Variants in FREM3 observed in about 807,000 individuals in gnomAD.
FREM3 encodes FRAS1-related extracellular matrix protein 3.
Under a neutral mutation model 129.1 loss-of-function variants are expected in FREM3, and 105 were observed. That is an observed-to-expected ratio of 0.81 (90% CI 0.69 to 0.96). The LOEUF (loss-of-function observed/expected upper bound fraction) is 0.96. Ranked by LOEUF, FREM3 falls within the 40% of genes least tolerant of loss-of-function variation. The probability of loss-of-function intolerance (pLI) is 0.00; values close to 1 mark genes in which losing one functional copy is unlikely to be tolerated. For synonymous variants in FREM3, 1,014 were observed against 1,044.9 expected (o/e 0.97, Z 0.57); for missense variants, 2,593 against 2,666.3 (o/e 0.97, Z 0.61).
intron 2 of FREM3, among the ~76,000 whole-genome samples, chr4:143,674,939 A>G (rs971479201): frequency 2.0e-5 from 3 of 152,192 alleles, no homozygotes; most frequent in African/African-American, 7.2e-5. Context: ...ACACAATAAT[A>G]ATGGGAGACT....
rs57527872 is a variant in FREM3, at chr4:143,593,621, T to A, written c.6029-7628A>T. On this transcript the variant is annotated intron_variant, in intron 6 of 7. Transcript: ENST00000329798. ...GTTTTGTCTCAGAGGAGTACCCGGCTGTGTGAGGTGTCAGTCCACCCCTAC... is the reference window on the plus strand; with the variant it reads ...GTTTTGTCTCAGAGGAGTACCCGGCAGTGTGAGGTGTCAGTCCACCCCTAC... Among the ~76,000 whole-genome samples the A allele has an allele frequency of 2.0e-5, 3 of 148,486 alleles. No individual in the cohort carries two copies. In the South Asian group the frequency reaches 6.4e-4, roughly 32 times the overall value.
At chr4:143,618,897 A>C (rs1301442037) in intron 5 of FREM3, among the ~76,000 whole-genome samples, 2 of 152,116 alleles carry the variant, frequency 1.3e-5, no homozygotes, top group African/African-American at 4.8e-5. Context: ...CCCTGTCTCA[A>C]AATCCTCCCC....
chr4:143,673,665 G>A (rs1296427359), intron 2 of FREM3, among the ~76,000 whole-genome samples: 4 of 152,218 alleles, frequency 2.6e-5, no homozygotes, highest in Non-Finnish European at 4.4e-5. Context: ...GCTGCCTTTC[G>A]TTCAGCTATG....
intron 2 of FREM3, among the ~76,000 whole-genome samples, chr4:143,641,214 G>C (rs1739316339): frequency 1.3e-5 from 2 of 152,060 alleles, no homozygotes; most frequent in African/African-American, 2.4e-5. Flanking sequence ...CACAGCTTAT[G>C]TACACAGTGT....
intron 2 of FREM3, among the ~76,000 whole-genome samples, chr4:143,641,915 T>C (rs937853910): frequency 2.0e-4 from 31 of 152,076 alleles, no homozygotes; most frequent in African/African-American, 7.5e-4. Context: ...AAAATAGAAC[T>C]GGGTCTGTTA....
chr4:143,649,997 TA>T (rs1188420243), intron 2 of FREM3, among the ~76,000 whole-genome samples: 1 of 152,242 alleles, frequency 6.6e-6, no homozygotes, highest in Admixed American at 6.5e-5. Flanking sequence ...ATTCTATAAA[TA>T]TTAGTTATGC....
At chr4:143,609,247 T>C (rs922000334) in intron 6 of FREM3, among the ~76,000 whole-genome samples, 3 of 152,176 alleles carry the variant, frequency 2.0e-5, no homozygotes, top group Non-Finnish European at 4.4e-5. Context: ...CTCTCCCATT[T>C]CTTTCGTTGT....
intron 7 of FREM3, among the ~76,000 whole-genome samples, chr4:143,584,282 G>A (rs948537080): frequency 3.3e-5 from 5 of 152,092 alleles, no homozygotes; most frequent in South Asian, 4.2e-4. Flanking sequence ...GGTGGCGGGC[G>A]CCTGTGGTCC....
intron 4 of FREM3, among the ~76,000 whole-genome samples, chr4:143,623,332 G>A (rs559359361): frequency 9.2e-5 from 14 of 152,018 alleles, no homozygotes; most frequent in East Asian, 3.9e-4. Flanking sequence ...ATTCTCTTAC[G>A]TAGTTCAGAG....
intron 6 of FREM3, among the ~76,000 whole-genome samples, chr4:143,606,832 A>G (rs1309118689): frequency 6.6e-6 from 1 of 152,182 alleles, no homozygotes; most frequent in Non-Finnish European, 1.5e-5. Flanking sequence ...CAAGACTTAC[A>G]TACAAACAAC....
chr4:143,680,282 G>A (rs528512284), intron 2 of FREM3, among the ~76,000 whole-genome samples: 2 of 150,628 alleles, frequency 1.3e-5, no homozygotes. Flanking sequence ...GAATATATAT[G>A]CATATCTATC....
At chr4:143,641,922 G>A (rs1326433883) in intron 2 of FREM3, among the ~76,000 whole-genome samples, 4 of 152,134 alleles carry the variant, frequency 2.6e-5, no homozygotes, top group Non-Finnish European at 5.9e-5. Flanking sequence ...AACTGGGTCT[G>A]TTAGGCATCA....
chr4:143,581,049 C>A (rs987286119), intron 7 of FREM3, among the ~76,000 whole-genome samples: 1 of 152,204 alleles, frequency 6.6e-6, no homozygotes, highest in African/African-American at 2.4e-5. Flanking sequence ...ACAACCCCAG[C>A]TCCTGCTGCG....
intron 2 of FREM3, among the ~76,000 whole-genome samples, chr4:143,675,586 A>G (rs1740100803): frequency 6.6e-6 from 1 of 152,206 alleles, no homozygotes; most frequent in African/African-American, 2.4e-5. Flanking sequence ...CCTTCAAAAA[A>G]TCAATGGATC....
chr4:143,630,114 A>G (rs1739112321), intron 2 of FREM3, among the ~76,000 whole-genome samples: 1 of 152,176 alleles, frequency 6.6e-6, no homozygotes, highest in Non-Finnish European at 1.5e-5. Context: ...TTTGATCATG[A>G]ACAAATTATG....
intron 2 of FREM3, among the ~76,000 whole-genome samples, chr4:143,677,314 T>C (rs1402503709): frequency 2.0e-5 from 3 of 152,212 alleles, no homozygotes; most frequent in African/African-American, 7.2e-5. Flanking sequence ...ATTTAACAAA[T>C]GGTGCTGGGA....
At chr4:143,647,379 T>A (rs1364572585) in intron 2 of FREM3, among the ~76,000 whole-genome samples, 1 of 152,204 alleles carries the variant, frequency 6.6e-6, no homozygotes, top group East Asian at 1.9e-4. Flanking sequence ...TAAATTTGCA[T>A]AAGTAATGAG....
chr4:143,693,454 G>T (rs986611091), intron 1 of FREM3, among the ~76,000 whole-genome samples: 1 of 152,128 alleles, frequency 6.6e-6, no homozygotes, highest in African/African-American at 2.4e-5. Flanking sequence ...AATAACAGAT[G>T]CTGGGTGAGA....
At chr4:143,627,083 C>G (rs1359752153) in intron 3 of FREM3, among the ~76,000 whole-genome samples, 1 of 151,894 alleles carries the variant, frequency 6.6e-6, no homozygotes, top group Admixed American at 6.6e-5. Context: ...GTGTTTACTC[C>G]AAGAAAACAT....
Sources: allele counts gnomAD v4.1 joint callset (sites outside exome capture counted in the v4.1 genomes callset), GRCh38; gene constraint gnomAD v4.1.1; transcripts MANE v1.5; gene names NCBI Gene and HGNC (gene_info 2026-07-23, HGNC 2026-07-21).